Variants in PTPRD observed in about 807,000 individuals in gnomAD.
PTPRD encodes receptor-type tyrosine-protein phosphatase delta.
A neutral mutation model predicts 214.5 loss-of-function variants in PTPRD; 34 were observed. The observed-to-expected ratio is 0.16, with a 90% CI of 0.12 to 0.21. The LOEUF is 0.21. Ranked by LOEUF, PTPRD falls within the 10% of genes least tolerant of loss-of-function variation. PTPRD has a pLI of 1.00. For missense variants in PTPRD, 2,545 were observed against 2,398.7 expected, an observed-to-expected ratio of 1.06 and a Z score of -1.27; for synonymous variants, 1,128 against 845.7, an observed-to-expected ratio of 1.33 and a Z score of -5.79.
chr9:10,395,265 C>T (rs531500348), intron 2 of PTPRD, among the ~76,000 whole-genome samples: 1 of 151,098 alleles, frequency 6.6e-6, no homozygotes, highest in Non-Finnish European at 1.5e-5. Flanking sequence ...CCCCACCCCA[C>T]AACAGGCCCC....
chr9:9,656,432 AAG>A (rs2096516071), intron 7 of PTPRD, among the ~76,000 whole-genome samples: 2 of 152,346 alleles, frequency 1.3e-5, no homozygotes, highest in East Asian at 1.9e-4. Flanking sequence ...CAGTGCTAAA[AAG>A]AAATGATCTC....
At chr9:8,333,890 G>C (rs551973622) in intron 43 of PTPRD, among the ~76,000 whole-genome samples, 68 of 152,222 alleles carry the variant, frequency 4.5e-4, no homozygotes, top group African/African-American at 1.6e-3. Context: ...CCTAGTCTCT[G>C]ATAAAACTGA....
At chr9:9,163,744 A>G (rs966554439) in intron 10 of PTPRD, among the ~76,000 whole-genome samples, 24 of 152,200 alleles carry the variant, frequency 1.6e-4, no homozygotes, top group African/African-American at 5.5e-4. Flanking sequence ...ATCTGACCTC[A>G]GTACGTTAAG....
chr9:8,928,655 T>G (rs1988424), intron 11 of PTPRD, among the ~76,000 whole-genome samples: 95,709 of 151,722 alleles, frequency 0.63, 30,629 homozygotes, highest in East Asian at 0.92. Context: ...TTTTGCTTAG[T>G]ATTATCTTGG....
intron 31 of PTPRD, among the ~76,000 whole-genome samples, chr9:8,470,309 GT>G (rs2096627127): frequency 6.6e-6 from 1 of 152,052 alleles, no homozygotes; most frequent in Non-Finnish European, 1.5e-5. Context: ...TGTTCTTCAT[GT>G]TATGCATTAC....
chr9:8,842,990 A>G (rs886245587), intron 11 of PTPRD, among the ~76,000 whole-genome samples: 1 of 152,150 alleles, frequency 6.6e-6, no homozygotes, highest in African/African-American at 2.4e-5. Context: ...CATTAAGAAC[A>G]TCCCCATTCA....
intron 3 of PTPRD, among the ~76,000 whole-genome samples, chr9:10,051,577 T>C (rs528799873): frequency 7.6e-4 from 115 of 152,038 alleles, no homozygotes; most frequent in African/African-American, 2.6e-3. Flanking sequence ...ATTAGGTATA[T>C]CTCCTAATGC....
At chr9:9,239,220 A>T (rs1409758056) in intron 9 of PTPRD, among the ~76,000 whole-genome samples, 4 of 151,732 alleles carry the variant, frequency 2.6e-5, no homozygotes, top group Non-Finnish European at 4.4e-5. Context: ...AACCACAAGT[A>T]TTCTGTCAAA....
chr9:8,367,556 G>A (rs2080266732), intron 39 of PTPRD, among the ~76,000 whole-genome samples: 1 of 152,134 alleles, frequency 6.6e-6, no homozygotes, highest in African/African-American at 2.4e-5. Context: ...GTTCTAATAA[G>A]CAAAGCATTT....
chr9:8,489,203 G>A (rs1230331866), intron 27 of PTPRD, among the ~76,000 whole-genome samples: 1 of 152,190 alleles, frequency 6.6e-6, no homozygotes, highest in African/African-American at 2.4e-5. Flanking sequence ...CTTTGTAGAT[G>A]TATACATTTA....
At position 9,036,435 on chromosome 9, in the gene PTPRD, G is replaced by T. The variant is rs142217455; in HGVS notation, c.-142-17700C>A. 1.6e-3 allele frequency among the ~76,000 whole-genome samples: 238 copies of T among 152,166 alleles called. 3 individuals carry two copies. In the East Asian group the frequency reaches 0.024, roughly 15 times the overall value. ...AGCCAACAGCAACTTAAGGATACAT[G>T]ATATTAAATATAATGTAAATCCTAG... On this transcript the variant is annotated intron_variant, in intron 10 of 45. Coordinates refer to ENST00000381196, the MANE Select transcript of PTPRD (RefSeq NM_002839.4).
At chr9:8,548,614 T>C (rs1418597310) in intron 14 of PTPRD, among the ~76,000 whole-genome samples, 1 of 150,606 alleles carries the variant, frequency 6.6e-6, no homozygotes, top group Admixed American at 6.6e-5. Flanking sequence ...GTGATCCACT[T>C]GCCTCGTCCT....
chr9:10,397,593 T>C (rs2098195268), intron 2 of PTPRD, among the ~76,000 whole-genome samples: 1 of 151,982 alleles, frequency 6.6e-6, no homozygotes, highest in Non-Finnish European at 1.5e-5. Context: ...CTAACAGTGA[T>C]CCCATAATAT....
At chr9:9,947,364 T>C (rs1457188346) in intron 4 of PTPRD, among the ~76,000 whole-genome samples, 1 of 39,662 alleles carries the variant, frequency 2.5e-5, no homozygotes, top group African/African-American at 1.2e-4. Context: ...TTATATATAT[T>C]ATATATATAT....
intron 2 of PTPRD, among the ~76,000 whole-genome samples, chr9:10,394,049 A>G (rs565975464): frequency 6.8e-6 from 1 of 146,224 alleles, no homozygotes; most frequent in African/African-American, 2.5e-5. Context: ...ATACCCATAT[A>G]TACATATTAT....
intron 11 of PTPRD, among the ~76,000 whole-genome samples, chr9:8,901,357 A>C (rs1171293827): frequency 6.6e-6 from 1 of 152,240 alleles, no homozygotes; most frequent in East Asian, 1.9e-4. Flanking sequence ...CAATTATGAC[A>C]GTGAACTATT....
chr9:10,349,336 A>T (rs558767313), intron 2 of PTPRD, among the ~76,000 whole-genome samples: 6 of 152,216 alleles, frequency 3.9e-5, no homozygotes, highest in Admixed American at 1.3e-4. Flanking sequence ...CTTGATTGAC[A>T]TATGCACACA....
At chr9:8,910,898 C>T (rs532418102) in intron 11 of PTPRD, among the ~76,000 whole-genome samples, 16 of 152,070 alleles carry the variant, frequency 1.1e-4, no homozygotes, top group East Asian at 1.9e-4. Context: ...ACAAAAGAAG[C>T]GCAAGCCTTG....
intron 21 of PTPRD, among the ~76,000 whole-genome samples, chr9:8,512,008 A>C (rs756832678): frequency 1.3e-5 from 2 of 152,168 alleles, no homozygotes; most frequent in African/African-American, 4.8e-5. Context: ...TGTAGAGATT[A>C]TCTCTAAAGA....
Sources: allele counts gnomAD v4.1 joint callset (sites outside exome capture counted in the v4.1 genomes callset), GRCh38; gene constraint gnomAD v4.1.1; transcripts MANE v1.5; gene names NCBI Gene and HGNC (gene_info 2026-07-23, HGNC 2026-07-21).